Variants in DCAF17 observed in about 807,000 individuals in gnomAD.
DCAF17 encodes the protein DDB1- and CUL4-associated factor 17.
Under a neutral mutation model 66.0 loss-of-function variants are expected in DCAF17, and 48 were observed. The observed-to-expected ratio is 0.73, with a 90% confidence interval of 0.58 to 0.92. The LOEUF is 0.92. Ranked by LOEUF, DCAF17 falls within the 40% of genes least tolerant of loss-of-function variation. The probability of loss-of-function intolerance (pLI) is 0.00; values close to 1 mark genes in which losing one functional copy is unlikely to be tolerated. For synonymous variants in DCAF17, 206 were observed against 214.6 expected (o/e 0.96, Z 0.35); for missense variants, 562 against 622.8 (o/e 0.90, Z 1.04).
chr2:171,448,155 G>A (rs1470806957), intron 3 of DCAF17, among the ~76,000 whole-genome samples: 3 of 151,326 alleles, frequency 2.0e-5, no homozygotes, highest in East Asian at 1.9e-4. Context: ...TTTTTGAGAC[G>A]GGATCTCACT....
In DCAF17 at chr2:171,434,449, C is replaced by T; in HGVS notation, c.-129C>T. Reference sequence around the variant, plus strand: ...GTGCTCCCTGCCCGCCTCCCCGTGTCAGCTTTCCCTGGGCCCCGCCGGGAA... The same window carrying T: ...GTGCTCCCTGCCCGCCTCCCCGTGTTAGCTTTCCCTGGGCCCCGCCGGGAA... On this transcript the variant is annotated 5_prime_UTR_variant, in exon 1 of 14. Coordinates refer to ENST00000375255, the MANE Select transcript of DCAF17 (RefSeq NM_025000.4). 1 of 1,482,962 alleles carries T rather than the reference C, an allele frequency of 6.7e-7. No individual in the cohort carries two copies. Among genetic ancestry groups the T allele is most frequent in the Non-Finnish European group, 9.1e-7 (1 of 1,104,246 alleles). The allele number at this position is 1,482,962 out of a possible 1,614,324, so 91.9% of individuals were successfully genotyped here. A position where few individuals can be genotyped will look rare whatever the true frequency, so the allele number is the denominator to read the frequency against.
chr2:171,476,404 A>G (rs1696499416), intron 10 of DCAF17, among the ~76,000 whole-genome samples: 1 of 152,230 alleles, frequency 6.6e-6, no homozygotes, highest in African/African-American at 2.4e-5. Flanking sequence ...CTATTTAGGT[A>G]TAGATTTAAT....
intron 1 of DCAF17, 88 bp downstream of exon 1, chr2:171,434,791 G>C: frequency 7.9e-6 from 11 of 1,389,444 alleles, no homozygotes; most frequent in Non-Finnish European, 1.0e-5. Flanking sequence ...AACGCGCTGG[G>C]GCCTCCCTTT....
rs1696824875 is a variant in DCAF17 at position 171,483,432 on chromosome 2, C to T, written c.*2318C>T. ...CTGAAAAGAGGTGCATTCTGCATTG[C>T]ACTCCTGGATCTAAGTTTCTGCATT... On this transcript the variant is annotated 3_prime_UTR_variant, in exon 14 of 14. Transcript: ENST00000375255. The T allele has an allele frequency of 2.2e-6, 1 of 454,124 alleles. No homozygotes were observed. The highest frequency in any genetic ancestry group is 6.9e-5 in the East Asian group (1 of 14,392). The allele number at this position is 454,124 out of a possible 1,614,324, so 28.1% of individuals were successfully genotyped here.
chr2:171,477,782 C>G (rs1288955306), intron 11 of DCAF17, among the ~76,000 whole-genome samples: 1 of 152,114 alleles, frequency 6.6e-6, no homozygotes, highest in Non-Finnish European at 1.5e-5. Flanking sequence ...CACCACGGCA[C>G]TCCAGCCTAG....
intron 10 of DCAF17, among the ~76,000 whole-genome samples, chr2:171,474,613 A>G (rs1443947221): frequency 1.3e-5 from 2 of 152,200 alleles, no homozygotes; most frequent in African/African-American, 4.8e-5. Context: ...GATCATGTAT[A>G]CATGAGAACT....
chr2:171,474,153 T>C, intron 10 of DCAF17, 178 bp downstream of exon 10: 2 of 622,792 alleles, frequency 3.2e-6, no homozygotes, highest in Non-Finnish European at 5.7e-6. Context: ...GACTCAACAT[T>C]ACTGTTTGTA....
At chr2:171,480,253 A>G (rs1433198997) in intron 13 of DCAF17, 60 bp downstream of exon 13, 29 of 1,585,556 alleles carry the variant, frequency 1.8e-5, no homozygotes, top group Non-Finnish European at 2.1e-5. Context: ...GCCATTTATT[A>G]GAACAGATGT....
intron 8 of DCAF17, among the ~76,000 whole-genome samples, chr2:171,467,934 T>C (rs1023365358): frequency 6.6e-6 from 1 of 152,060 alleles, no homozygotes; most frequent in Non-Finnish European, 1.5e-5. Flanking sequence ...CGAATCATCT[T>C]CCTAAGACAA....
chr2:171,465,599 C>A (rs1695853597), intron 8 of DCAF17, among the ~76,000 whole-genome samples: 1 of 152,136 alleles, frequency 6.6e-6, no homozygotes, highest in African/African-American at 2.4e-5. Context: ...TCTGCCTCAG[C>A]CTCCTGGGTA....
At chr2:171,434,755 C>G in intron 1 of DCAF17, 52 bp downstream of exon 1, 3 of 1,389,430 alleles carry the variant, frequency 2.2e-6, no homozygotes, top group Non-Finnish European at 2.8e-6. Context: ...GCGCGGCGGC[C>G]GAGCCTCCTG....
chr2:171,440,490 G>A (rs552646421), intron 2 of DCAF17, among the ~76,000 whole-genome samples: 9 of 152,090 alleles, frequency 5.9e-5, no homozygotes, highest in Admixed American at 1.3e-4. Context: ...TGGGAGGATC[G>A]CTTGAGCCCA....
intron 6 of DCAF17, among the ~76,000 whole-genome samples, chr2:171,453,665 A>C (rs901622411): frequency 6.6e-6 from 1 of 152,048 alleles, no homozygotes; most frequent in Non-Finnish European, 1.5e-5. Flanking sequence ...TTTGGGTTTT[A>C]TTGTTGTTCC....
intron 6 of DCAF17, among the ~76,000 whole-genome samples, chr2:171,454,151 C>A (rs1695109525): frequency 6.6e-6 from 1 of 151,748 alleles, no homozygotes; most frequent in Non-Finnish European, 1.5e-5. Flanking sequence ...GCCTGGGTGA[C>A]AGAGTTAGAC....
intron 8 of DCAF17, among the ~76,000 whole-genome samples, chr2:171,464,044 A>T (rs773966484): frequency 6.6e-6 from 1 of 152,176 alleles, no homozygotes; most frequent in Non-Finnish European, 1.5e-5. Context: ...ATTCTTAATG[A>T]TGTTCAAATT....
chr2:171,481,656 A>G lies in DCAF17; in HGVS notation c.*542A>G, dbSNP rs1334080921. The G allele has an allele frequency of 6.6e-6, 3 of 453,326 alleles. No individual in the cohort carries two copies. The highest frequency in any genetic ancestry group is 6.8e-4 in the Middle Eastern group (1 of 1,466). The allele number at this position is 453,326 out of a possible 1,614,324, so 28.1% of individuals were successfully genotyped here. A position where few individuals can be genotyped will look rare whatever the true frequency, so the allele number is the denominator to read the frequency against. On this transcript the variant is annotated 3_prime_UTR_variant, in exon 14 of 14. Transcript: ENST00000375255. ...TTAAAAATCTTATATATGTATTTAT[A>G]TGTGTTTCGTATTTGTATATAGTAT...
rs553124977 is a variant in DCAF17, at chr2:171,437,540, C to G, written c.230+2354C>G. ...GCTTGGTGGAATTAACCATTGAAAGCATCTGGGCTTGGCACTTTCTGTTTT... is the reference window on the plus strand; with the variant it reads ...GCTTGGTGGAATTAACCATTGAAAGGATCTGGGCTTGGCACTTTCTGTTTT... On this transcript the variant is annotated intron_variant, in intron 2 of 13. Transcript: ENST00000375255. Among the ~76,000 whole-genome samples, 3 of 152,278 alleles carry G rather than the reference C, an allele frequency of 2.0e-5. No homozygotes were observed. In the East Asian group the frequency reaches 5.8e-4, roughly 29 times the overall value.
intron 5 of DCAF17, 30 bp from the exon 6 acceptor site, chr2:171,453,094 G>T: frequency 6.6e-7 from 1 of 1,517,302 alleles, no homozygotes; most frequent in Admixed American, 1.8e-5. Flanking sequence ...ACTTTTGAGA[G>T]CTGCGTGTAA....
Position 171,448,665 on chromosome 2 carries a change from C to A in DCAF17, c.322-16C>A. On this transcript the variant is annotated splice_polypyrimidine_tract_variant and intron_variant, in intron 3 of 13. Transcript: ENST00000375255. ...GCCAAGCAGTTTCATTTTTATATCT[C>A]TCTTTTTTTTTTTAGGGAGATATAC... 1 of 1,520,168 alleles carries A rather than the reference C, an allele frequency of 6.6e-7. No individual in the cohort carries two copies. Among genetic ancestry groups the A allele is most frequent in the Non-Finnish European group, 8.8e-7 (1 of 1,132,024 alleles). 94.2% of individuals were successfully genotyped at this position (1,520,168 alleles called of 1,614,324 possible). A position where few individuals can be genotyped will look rare whatever the true frequency, so the allele number is the denominator to read the frequency against.
Sources: gnomAD v4.1 joint callset for allele counts (sites outside exome capture counted in the v4.1 genomes callset) on GRCh38, gnomAD v4.1.1 for gene constraint, MANE v1.5 for transcripts, NCBI Gene and HGNC (gene_info 2026-07-23, HGNC 2026-07-21) for gene names.